The following ASS1 variants were observed in gnomAD, a reference collection of about 807,000 sequenced individuals.
The protein encoded by ASS1 is argininosuccinate synthase 1.
In ASS1, 58 loss-of-function variants were observed where a neutral mutation model predicts 60.5. The ratio of observed to expected loss-of-function variants is 0.96; its 90% CI spans 0.78 to 1.19. The LOEUF (loss-of-function observed/expected upper bound fraction) is 1.19, where lower values mean the gene tolerates loss of function less well. ASS1 is among the 50% of genes most tolerant of loss of function. The pLI, the probability that ASS1 is intolerant of heterozygous loss-of-function variation, is 0.00. For synonymous variants in ASS1, 200 were observed against 206.9 expected, an observed-to-expected ratio of 0.97 and a Z score of 0.29; for missense variants, 454 against 547.3, an observed-to-expected ratio of 0.83 and a Z score of 1.70.
In ASS1 at chr9:130,476,983, C is replaced by T. The variant is rs771033174; in HGVS notation, c.688+22C>T. On this transcript the variant is annotated intron_variant, in intron 9 of 14. Coordinates refer to ENST00000352480, the MANE Select transcript of ASS1 (RefSeq NM_054012.4). This position sits in a 1 kb window ranked among gnomAD's most constrained non-coding sequence, Gnocchi z 4.9. ...AAAGGTATGTGCCCACCTGTTGGGA[C>T]TCGAAGGGGGTTGACTTTTGGGGCC... 2.5e-6 allele frequency: 4 copies of T among 1,607,996 alleles called. No homozygotes were observed. Among genetic ancestry groups the T allele is most frequent in the Non-Finnish European group, 3.4e-6 (4 of 1,174,518 alleles).
chr9:130,469,873 T>C (rs1845827996), intron 6 of ASS1, among the ~76,000 whole-genome samples: 1 of 152,044 alleles, frequency 6.6e-6, no homozygotes, highest in South Asian at 2.1e-4. Flanking sequence ...GGGGGCTGCC[T>C]GTGGTTCCCA....
At chr9:130,473,939 A>G (rs766849371) in intron 8 of ASS1, among the ~76,000 whole-genome samples, 33 of 152,018 alleles carry the variant, frequency 2.2e-4, no homozygotes, top group Non-Finnish European at 3.8e-4. Context: ...GGTTTAGTTC[A>G]TGGGCCATTT....
At chr9:130,453,786 G>A (rs151219102) in intron 2 of ASS1, among the ~76,000 whole-genome samples, 3 of 152,324 alleles carry the variant, frequency 2.0e-5, no homozygotes, top group East Asian at 1.9e-4. Context: ...GTCAGACCCC[G>A]AGGTCAGGGC....
chr9:130,459,564 T>A lies in ASS1; in HGVS notation c.363+975T>A, dbSNP rs1166426024. On this transcript the variant is annotated intron_variant, in intron 4 of 14. Transcript: ENST00000352480. The surrounding 1 kb of genome is among the most constrained non-coding windows in gnomAD (Gnocchi z 4.6). ...CTCCTGCCTCAGCCTCCTGAGTAGC[T>A]GGGATTACAGGTGTGTACCCCACCA... is the stretch of plus-strand genomic sequence containing the variant. Among the ~76,000 whole-genome samples the A allele has an allele frequency of 6.6e-6, 1 of 152,110 alleles. No homozygotes were observed. Among genetic ancestry groups the A allele is most frequent in the Non-Finnish European group, 1.5e-5 (1 of 68,018 alleles).
chr9:130,481,773 C>T (rs528849351), intron 11 of ASS1, among the ~76,000 whole-genome samples: 3 of 152,264 alleles, frequency 2.0e-5, no homozygotes, highest in East Asian at 1.9e-4. Context: ...CATGGGAGCG[C>T]GGAAGGGGAG....
intron 8 of ASS1, among the ~76,000 whole-genome samples, chr9:130,475,721 T>A (rs970181239): frequency 6.8e-6 from 1 of 148,034 alleles, no homozygotes; most frequent in East Asian, 2.1e-4. Context: ...TGGGAAGCAA[T>A]ACGTGAATGT....
At chr9:130,455,687 C>T (rs1346276397) in intron 3 of ASS1, among the ~76,000 whole-genome samples, 1 of 152,240 alleles carries the variant, frequency 6.6e-6, no homozygotes, top group East Asian at 1.9e-4. Context: ...CACATGTGCT[C>T]ACTCCCCATG....
chr9:130,452,600 C>T (rs1845353107), intron 2 of ASS1, among the ~76,000 whole-genome samples: 1 of 152,222 alleles, frequency 6.6e-6, no homozygotes, highest in African/African-American at 2.4e-5. Flanking sequence ...CAGAAGTGAA[C>T]TTGGCAGTGC....
At chr9:130,467,723 G>A (rs972604225) in intron 6 of ASS1, among the ~76,000 whole-genome samples, 1 of 152,216 alleles carries the variant, frequency 6.6e-6, no homozygotes, top group Non-Finnish European at 1.5e-5. Flanking sequence ...AGGGAGCCGG[G>A]TTGGTGAGGT....
At chr9:130,499,846 C>T (rs984217193) in intron 14 of ASS1, among the ~76,000 whole-genome samples, 8 of 152,196 alleles carry the variant, frequency 5.3e-5, no homozygotes, top group African/African-American at 1.7e-4. Flanking sequence ...CCTCCCCTCC[C>T]GCTAAGCCAC....
intron 12 of ASS1, among the ~76,000 whole-genome samples, chr9:130,493,884 G>T (rs868492646): frequency 6.6e-6 from 1 of 152,044 alleles, no homozygotes; most frequent in Admixed American, 6.6e-5. Flanking sequence ...AGGGGAGGGA[G>T]CATGTTTCTC....
At chr9:130,467,101 G>A (rs1406468308) in intron 6 of ASS1, among the ~76,000 whole-genome samples, 1 of 152,084 alleles carries the variant, frequency 6.6e-6, no homozygotes, top group Non-Finnish European at 1.5e-5. Flanking sequence ...GCGGAGACCA[G>A]AGCCCTGCTT....
At chr9:130,454,246 G>A in intron 2 of ASS1, 59 bp from the exon 3 acceptor site, 2 of 1,547,900 alleles carry the variant, frequency 1.3e-6, no homozygotes, top group Non-Finnish European at 1.8e-6. Flanking sequence ...GCATGCGGAT[G>A]GTGTGAACTC....
intron 11 of ASS1, among the ~76,000 whole-genome samples, chr9:130,481,054 T>C (rs1488472437): frequency 6.6e-6 from 1 of 152,140 alleles, no homozygotes; most frequent in African/African-American, 2.4e-5. Flanking sequence ...CTGCCTAGCC[T>C]CGTATCCGCC....
Position 130,458,672 on chromosome 9 carries a change from C to A in ASS1, c.363+83C>A, listed in dbSNP as rs1403410520. On this transcript the variant is annotated intron_variant, in intron 4 of 14. Transcript: ENST00000352480. ...GAGATGAGCACCCCTCGAGCGGTTT[C>A]CTGGTGTGCCTCCGGGGCAGACTTG... The A allele has an allele frequency of 4.6e-6, 7 of 1,528,918 alleles. No individual in the cohort carries two copies. In the East Asian group the frequency reaches 1.7e-4, roughly 37 times the overall value. 94.7% of individuals were successfully genotyped at this position (1,528,918 alleles called of 1,614,324 possible). A position where few individuals can be genotyped will look rare whatever the true frequency, so the allele number is the denominator to read the frequency against.
In ASS1 at chr9:130,494,114, T is replaced by C. The variant is rs1846523522; in HGVS notation, c.971-753T>C. On this transcript the variant is annotated intron_variant, in intron 12 of 14. Coordinates refer to ENST00000352480, the MANE Select transcript of ASS1 (RefSeq NM_054012.4). This position sits in a 1 kb window ranked among gnomAD's most constrained non-coding sequence, Gnocchi z 4.3. ...GAGGCTAAGAGAGTTTCTCTCAGAG[T>C]GCTGTCTATGAGGATTCAGGGAGCT... Among the ~76,000 whole-genome samples the C allele has an allele frequency of 6.6e-6, 1 of 152,106 alleles. No homozygotes were observed. Among genetic ancestry groups the C allele is most frequent in the Non-Finnish European group, 1.5e-5 (1 of 68,006 alleles).
intron 5 of ASS1, among the ~76,000 whole-genome samples, chr9:130,466,111 C>A (rs149153141): frequency 3.9e-4 from 59 of 152,328 alleles, no homozygotes; most frequent in Non-Finnish European, 7.2e-4. Flanking sequence ...TCCACCCCCA[C>A]ACACACATGC....
chr9:130,452,176 G>GCA (rs1267865545), intron 1 of ASS1, 48 bp from the exon 2 acceptor site: 10 of 1,521,302 alleles, frequency 6.6e-6, no homozygotes, highest in Non-Finnish European at 9.1e-6. Context: ...CTGGCGGGGG[G>GCA]CACTGGCTGT....
In ASS1 at chr9:130,491,236, C is replaced by A. The variant is rs924912934; in HGVS notation, c.970+1772C>A. ...CCATTGTCTCCTGCAGGCTTTCCAG[C>A]CCGGCGGGATTGCGACCCCGAAAGG... is the stretch of plus-strand genomic sequence containing the variant. On this transcript the variant is annotated intron_variant, in intron 12 of 14. Coordinates refer to ENST00000352480, the MANE Select transcript of ASS1 (RefSeq NM_054012.4). The surrounding 1 kb of genome is among the most constrained non-coding windows in gnomAD (Gnocchi z 5.3). Among the ~76,000 whole-genome samples, 1 of 152,148 alleles carries A rather than the reference C, an allele frequency of 6.6e-6. No homozygotes were observed. Among genetic ancestry groups the A allele is most frequent in the Admixed American group, 6.5e-5 (1 of 15,282 alleles).
Sources: allele counts gnomAD v4.1 joint callset (sites outside exome capture counted in the v4.1 genomes callset), GRCh38; gene constraint gnomAD v4.1.1; non-coding constraint Gnocchi (gnomAD v3.1); transcripts MANE v1.5; gene names NCBI Gene and HGNC (gene_info 2026-07-23, HGNC 2026-07-21).